The following SLC22A15 variants were observed in gnomAD, a reference collection of about 807,000 sequenced individuals.
SLC22A15 encodes solute carrier family 22 member 15.
Under a neutral mutation model 62.7 loss-of-function variants are expected in SLC22A15, and 45 were observed. That is an observed-to-expected ratio of 0.72 (90% confidence interval 0.56 to 0.92). The LOEUF (loss-of-function observed/expected upper bound fraction) is 0.92, where lower values mean the gene tolerates loss of function less well. Ranked by LOEUF, SLC22A15 falls within the 40% of genes least tolerant of loss-of-function variation. The pLI, the probability that SLC22A15 is intolerant of heterozygous loss-of-function variation, is 0.00. For synonymous variants in SLC22A15, 264 were observed against 267.0 expected (o/e 0.99, Z 0.11); for missense variants, 622 against 665.6 (o/e 0.93, Z 0.72).
Position 116,012,498 on chromosome 1 carries a change from C to T in SLC22A15, c.301-7084C>T, listed in dbSNP as rs962794810. Among the ~76,000 whole-genome samples, 7 of 151,966 alleles carry T rather than the reference C, an allele frequency of 4.6e-5. No homozygotes were observed. In the East Asian group the frequency reaches 9.7e-4, roughly 21 times the overall value. On this transcript the variant is annotated intron_variant, in intron 2 of 11. Transcript: ENST00000369503. ...ATAATAATAACAGCACAGGGCTATT[C>T]GGTGGAGGAAGGAAAAGAAAGAAAC...
At chr1:116,054,507 G>A (rs1658148606) in intron 8 of SLC22A15, among the ~76,000 whole-genome samples, 1 of 152,038 alleles carries the variant, frequency 6.6e-6, no homozygotes, top group African/African-American at 2.4e-5. Flanking sequence ...GAGACAGAAA[G>A]TTAAACAAGG....
intron 2 of SLC22A15, among the ~76,000 whole-genome samples, chr1:116,016,971 A>G (rs369094581): frequency 2.0e-5 from 3 of 152,210 alleles, no homozygotes; most frequent in African/African-American, 7.2e-5. Flanking sequence ...CTTTAGAAAC[A>G]TAAACCTAGT....
At chr1:116,004,594 T>A (rs1047592954) in intron 2 of SLC22A15, among the ~76,000 whole-genome samples, 1 of 152,224 alleles carries the variant, frequency 6.6e-6, no homozygotes, top group South Asian at 2.1e-4. Context: ...AACATTTTGA[T>A]AAGGATTAAT....
intron 1 of SLC22A15, among the ~76,000 whole-genome samples, chr1:115,986,279 A>G (rs1221933036): frequency 1.3e-5 from 2 of 152,190 alleles, no homozygotes; most frequent in Non-Finnish European, 2.9e-5. Context: ...TTTGATATAT[A>G]TATGAGATAG....
intron 1 of SLC22A15, among the ~76,000 whole-genome samples, chr1:115,984,911 G>T (rs558720428): frequency 1.1e-4 from 16 of 152,286 alleles, no homozygotes; most frequent in Non-Finnish European, 1.9e-4. Flanking sequence ...TTTTTGTACA[G>T]CTATATAATG....
chr1:116,041,803 A>AG (rs1657791502), intron 8 of SLC22A15, among the ~76,000 whole-genome samples: 1 of 152,186 alleles, frequency 6.6e-6, no homozygotes, highest in East Asian at 1.9e-4. Flanking sequence ...TACTGAGGCC[A>AG]GGGGGAGACC....
chr1:115,986,793 A>C (rs960322271), intron 1 of SLC22A15, among the ~76,000 whole-genome samples: 9 of 152,246 alleles, frequency 5.9e-5, no homozygotes. Context: ...ACTATGGAGG[A>C]ATCCCACTTG....
chr1:115,994,360 A>G lies in SLC22A15; in HGVS notation c.300+2117A>G, dbSNP rs183564216. On this transcript the variant is annotated intron_variant, in intron 2 of 11. Transcript: ENST00000369503. Reference sequence around the variant, plus strand: ...CCCATTTTACAGATTTAAAAAATGGAGACCCCTTGAGGTCAGTGTTAGCTA... The same window carrying G: ...CCCATTTTACAGATTTAAAAAATGGGGACCCCTTGAGGTCAGTGTTAGCTA... Among the ~76,000 whole-genome samples, 366 of 152,328 alleles carry G rather than the reference A, an allele frequency of 2.4e-3. 1 individual carries two copies. Among genetic ancestry groups the G allele is most frequent in the African/African-American group, 8.1e-3 (335 of 41,578 alleles).
At position 115,977,021 on chromosome 1, in the gene SLC22A15, G is replaced by A. The variant is rs1379326713; in HGVS notation, c.87+307G>A. On this transcript the variant is annotated intron_variant, in intron 1 of 11. Coordinates refer to ENST00000369503, the MANE Select transcript of SLC22A15 (RefSeq NM_018420.3). The stretch of plus-strand genomic sequence containing the variant: ...CTCAGCCGCTATGCTGGTTAAGGAG[G>A]GATGCAAAATTGTGTTACCTGCCCT... Among the ~76,000 whole-genome samples the A allele has an allele frequency of 2.6e-5, 4 of 152,304 alleles. No homozygotes were observed. The East Asian group carries it at 7.7e-4, about 29-fold the overall frequency.
chr1:116,057,651 C>A (rs1194087788), intron 8 of SLC22A15, among the ~76,000 whole-genome samples: 1 of 152,146 alleles, frequency 6.6e-6, no homozygotes, highest in East Asian at 1.9e-4. Flanking sequence ...AGACTTGGAA[C>A]CAACCCAAAT....
chr1:116,037,496 T>C (rs888078505), intron 8 of SLC22A15, 108 bp downstream of exon 8: 3 of 839,752 alleles, frequency 3.6e-6, no homozygotes, highest in Non-Finnish European at 6.0e-6. Context: ...TGTGATTGCA[T>C]ATTGTTTAGC....
In SLC22A15 at chr1:116,020,856, G is replaced by A. The variant is rs1315603539; in HGVS notation, c.569G>A (p.Cys190Tyr). Residue 190 changes from cysteine to tyrosine, a missense_variant, in exon 4 of 12, where the codon TGT (cysteine) becomes TAT (tyrosine). Transcript: ENST00000369503. ...GTGGCCTTTGTCTTGCTTAATGAAT[G>A]TGTGGGCACCGCCTACTGGGCACTT... is the stretch of plus-strand genomic sequence containing the variant. ...SLVAFVLLNE[C>Y]VGTAYWALAG... 8 of 1,612,690 alleles carry A rather than the reference G, an allele frequency of 5.0e-6. No individual in the cohort carries two copies. Among genetic ancestry groups the A allele is most frequent in the Non-Finnish European group, 6.8e-6 (8 of 1,179,214 alleles).
At chr1:116,046,027 T>G (rs1207499931) in intron 8 of SLC22A15, among the ~76,000 whole-genome samples, 1 of 152,172 alleles carries the variant, frequency 6.6e-6, no homozygotes, top group African/African-American at 2.4e-5. Flanking sequence ...AAAACGGTGC[T>G]GAAATAACTG....
At chr1:115,978,552 C>A (rs1018054997) in intron 1 of SLC22A15, among the ~76,000 whole-genome samples, 1 of 152,084 alleles carries the variant, frequency 6.6e-6, no homozygotes, top group African/African-American at 2.4e-5. Context: ...TGTGCTTATA[C>A]CAGTGGAGGA....
At chr1:116,058,356 A>G (rs149107698) in intron 8 of SLC22A15, among the ~76,000 whole-genome samples, 3,610 of 152,308 alleles carry the variant, frequency 0.024, 142 homozygotes, top group African/African-American at 0.083. Context: ...TCCAAAAAAC[A>G]TGAAAAAATG....
chr1:116,064,361 C>T (rs753066077), intron 9 of SLC22A15, 75 bp from the exon 10 acceptor site: 1 of 1,035,632 alleles, frequency 9.7e-7, no homozygotes, highest in African/African-American at 1.6e-5. Flanking sequence ...TTATTCAAGG[C>T]CCGCTGCTGC....
intron 2 of SLC22A15, among the ~76,000 whole-genome samples, chr1:116,009,345 A>T (rs2101198249): frequency 7.1e-6 from 1 of 140,936 alleles, no homozygotes; most frequent in South Asian, 2.1e-4. Context: ...CACGCACTGT[A>T]CTTCTGCTTT....
chr1:116,001,128 T>C (rs1655709877), intron 2 of SLC22A15, among the ~76,000 whole-genome samples: 1 of 152,208 alleles, frequency 6.6e-6, no homozygotes, highest in Non-Finnish European at 1.5e-5. Flanking sequence ...TCTTTTTCCT[T>C]CAGTAGTTTA....
In SLC22A15 at chr1:115,980,110, G is replaced by A. The variant is rs1654542155; in HGVS notation, c.87+3396G>A. On this transcript the variant is annotated intron_variant, in intron 1 of 11. Coordinates refer to ENST00000369503, the MANE Select transcript of SLC22A15 (RefSeq NM_018420.3). ...TAGAAAGTAGAATGATTGCAGAAGA[G>A]GAAACTGTAATAGTCAACACACGAA... is the stretch of plus-strand genomic sequence containing the variant. Among the ~76,000 whole-genome samples, 2 of 151,442 alleles carry A rather than the reference G, an allele frequency of 1.3e-5. 1 individual carries two copies. Among genetic ancestry groups the A allele is most frequent in the South Asian group, 4.1e-4 (2 of 4,822 alleles).
Sources: allele counts gnomAD v4.1 joint callset (sites outside exome capture counted in the v4.1 genomes callset), GRCh38; gene constraint gnomAD v4.1.1; transcripts MANE v1.5; gene names NCBI Gene and HGNC (gene_info 2026-07-23, HGNC 2026-07-21).